Variants in CDKL4 observed in about 807,000 individuals in gnomAD.
CDKL4 encodes cyclin dependent kinase like 4, also known as cyclin-dependent kinase-like 4.
Under a neutral mutation model 42.0 loss-of-function variants are expected in CDKL4, and 44 were observed. The observed-to-expected ratio is 1.05, with a 90% CI of 0.82 to 1.35. CDKL4 has a LOEUF of 1.35. CDKL4 is among the 40% of genes most tolerant of loss of function. The pLI is 0.00. For missense variants in CDKL4, 393 were observed against 369.9 expected (o/e 1.06, Z -0.51); for synonymous variants, 120 against 121.6 (o/e 0.99, Z 0.09).
At chr2:39,233,841 G>A (rs937352358) in intron 1 of CDKL4, among the ~76,000 whole-genome samples, 24 of 148,146 alleles carry the variant, frequency 1.6e-4, no homozygotes, top group African/African-American at 5.7e-4. Context: ...CAATGAATCA[G>A]ATATTCAAAT....
chr2:39,246,173 A>C (rs1342122944), upstream of CDKL4, among the ~76,000 whole-genome samples: 1 of 152,056 alleles, frequency 6.6e-6, no homozygotes, highest in Admixed American at 6.5e-5. Flanking sequence ...TCCTTTTCTC[A>C]TCCATCTCAT....
At chr2:39,205,577 G>A (rs956721091) in intron 4 of CDKL4, among the ~76,000 whole-genome samples, 1 of 151,594 alleles carries the variant, frequency 6.6e-6, no homozygotes, top group Non-Finnish European at 1.5e-5. Context: ...TGGCCAACAC[G>A]GTGAAACCCC....
chr2:39,169,758 A>G, the CDKL4 span, among the ~76,000 whole-genome samples: 1 of 152,208 alleles, frequency 6.6e-6, no homozygotes. Context: ...CTTCCAGACC[A>G]AATGATTTTT....
the CDKL4 span, among the ~76,000 whole-genome samples, chr2:39,168,706 ATCT>A: frequency 6.7e-6 from 1 of 148,198 alleles, no homozygotes. Context: ...TTGAAACTCC[ATCT>A]AAAAAAAAAA....
intron 1 of CDKL4, among the ~76,000 whole-genome samples, chr2:39,232,365 G>T (rs1011472470): frequency 6.6e-6 from 1 of 152,148 alleles, no homozygotes; most frequent in African/African-American, 2.4e-5. Context: ...AGCTTACTAG[G>T]ATTATAACAG....
At chr2:39,185,124 A>G (rs1220714158) in intron 7 of CDKL4, among the ~76,000 whole-genome samples, 1 of 140,778 alleles carries the variant, frequency 7.1e-6, no homozygotes, top group Non-Finnish European at 1.5e-5. Context: ...ATATATACAC[A>G]CACATATATA....
At chr2:39,176,928 C>A (rs1342620890) in intron 9 of CDKL4, among the ~76,000 whole-genome samples, 1 of 152,114 alleles carries the variant, frequency 6.6e-6, no homozygotes, top group East Asian at 1.9e-4. Flanking sequence ...ACTTGAAAGG[C>A]ACCCCTGTCT....
upstream of CDKL4, among the ~76,000 whole-genome samples, chr2:39,244,839 A>G (rs1450307617): frequency 6.6e-6 from 1 of 152,170 alleles, no homozygotes; most frequent in Non-Finnish European, 1.5e-5. Context: ...AAACACACCA[A>G]TCAGCACCCT....
chr2:39,210,591 G>A (rs1365590492), intron 4 of CDKL4, among the ~76,000 whole-genome samples: 2 of 152,170 alleles, frequency 1.3e-5, no homozygotes, highest in Non-Finnish European at 1.5e-5. Flanking sequence ...CAAAGATAAA[G>A]CAGCCACAGA....
chr2:39,242,961 G>A (rs1241061728), intron 1 of CDKL4, among the ~76,000 whole-genome samples: 2 of 151,632 alleles, frequency 1.3e-5, no homozygotes, highest in African/African-American at 4.8e-5. Context: ...GTTGCTGGGC[G>A]TGGTGTCCTG....
intron 3 of CDKL4, among the ~76,000 whole-genome samples, chr2:39,224,695 G>A (rs1240608188): frequency 6.6e-6 from 1 of 151,864 alleles, no homozygotes; most frequent in Non-Finnish European, 1.5e-5. Context: ...GTAGAGACAG[G>A]GGTTCACCAT....
chr2:39,171,763 A>C (rs1264894041), downstream of CDKL4, among the ~76,000 whole-genome samples: 1 of 152,238 alleles, frequency 6.6e-6, no homozygotes, highest in Non-Finnish European at 1.5e-5. Context: ...AGTCTGAGGA[A>C]ACCAAGGTGG....
chr2:39,211,707 T>C (rs1362424244), intron 4 of CDKL4, among the ~76,000 whole-genome samples: 1 of 151,622 alleles, frequency 6.6e-6, no homozygotes, highest in African/African-American at 2.4e-5. Flanking sequence ...CACGAAATAC[T>C]AGATACAGGC....
chr2:39,244,243 C>G (rs1679810436), upstream of CDKL4, among the ~76,000 whole-genome samples: 1 of 152,260 alleles, frequency 6.6e-6, no homozygotes, highest in Non-Finnish European at 1.5e-5. Context: ...AAGGCCGGAG[C>G]CCACTCCCTC....
At chr2:39,180,399 G>C (rs1281505551) in intron 8 of CDKL4, among the ~76,000 whole-genome samples, 1 of 152,220 alleles carries the variant, frequency 6.6e-6, no homozygotes, top group African/African-American at 2.4e-5. Flanking sequence ...GCCCTGTGGT[G>C]TCTGTTCCTC....
chr2:39,184,965 C>T (rs951345847), intron 7 of CDKL4, among the ~76,000 whole-genome samples: 4 of 151,398 alleles, frequency 2.6e-5, no homozygotes, highest in South Asian at 4.2e-4. Flanking sequence ...AAACTTCTGG[C>T]CTCAAGTGAT....
intron 5 of CDKL4, among the ~76,000 whole-genome samples, chr2:39,196,407 C>T (rs894438239): frequency 6.6e-5 from 10 of 152,196 alleles, no homozygotes; most frequent in African/African-American, 2.4e-4. Flanking sequence ...TGGCTAGATC[C>T]AGAAGAGAAA....
At chr2:39,225,887 T>G in exon 3 of CDKL4, 1 of 1,612,032 alleles carries the variant, frequency 6.2e-7, no homozygotes, top group Non-Finnish European at 8.5e-7. Flanking sequence ...ATCACAGTAT[T>G]CAAAAACTAA....
chr2:39,202,320 C>G (rs1245514703), intron 5 of CDKL4, among the ~76,000 whole-genome samples: 16 of 152,102 alleles, frequency 1.1e-4, no homozygotes, highest in Admixed American at 9.8e-4. Flanking sequence ...CACCTGTTCC[C>G]CAAAAACCTA....
Sources: gnomAD v4.1 joint callset for allele counts (sites outside exome capture counted in the v4.1 genomes callset) on GRCh38, gnomAD v4.1.1 for gene constraint, MANE v1.5 for transcripts, NCBI Gene and HGNC (gene_info 2026-07-23, HGNC 2026-07-21) for gene names.